RNF216: variants seen among roughly 807,000 people sequenced by gnomAD.
RNF216 encodes the protein ring finger protein 216.
Under a neutral mutation model 110.8 loss-of-function variants are expected in RNF216, and 72 were observed. The ratio of observed to expected loss-of-function variants is 0.65; its 90% CI spans 0.54 to 0.79. RNF216 has a LOEUF of 0.79. RNF216 is among the 30% of genes least tolerant of loss of function. The pLI is 0.00. For synonymous variants in RNF216, 495 were observed against 407.5 expected, an observed-to-expected ratio of 1.21 and a Z score of -2.59; for missense variants, 1,342 against 1,141.2, an observed-to-expected ratio of 1.18 and a Z score of -2.54.
At chr7:5,666,428 G>A (rs566929090) in intron 13 of RNF216, among the ~76,000 whole-genome samples, 3 of 152,324 alleles carry the variant, frequency 2.0e-5, no homozygotes, top group East Asian at 3.9e-4. Flanking sequence ...AGAGAGTCTG[G>A]TGCTATCTGG....
intron 15 of RNF216, among the ~76,000 whole-genome samples, chr7:5,633,219 C>T (rs1787184968): frequency 6.6e-6 from 1 of 151,934 alleles, no homozygotes; most frequent in Admixed American, 6.5e-5. Context: ...CCTTGTGATC[C>T]ACCCGCCTTG....
At chr7:5,695,293 T>C (rs1791556333) in intron 13 of RNF216, among the ~76,000 whole-genome samples, 1 of 152,126 alleles carries the variant, frequency 6.6e-6, no homozygotes, top group Non-Finnish European at 1.5e-5. Context: ...TGCAGCAACT[T>C]GTACCAAGGT....
intron 1 of RNF216, among the ~76,000 whole-genome samples, chr7:5,778,762 G>C (rs1379875592): frequency 6.6e-6 from 1 of 151,558 alleles, no homozygotes; most frequent in African/African-American, 2.4e-5. Context: ...TATTATTTTT[G>C]AGACGGAGTC....
At chr7:5,756,054 C>T (rs920170600) in intron 2 of RNF216, among the ~76,000 whole-genome samples, 1 of 152,070 alleles carries the variant, frequency 6.6e-6, no homozygotes, top group Non-Finnish European at 1.5e-5. Context: ...AAGTCACGAG[C>T]GGGACAGGTG....
chr7:5,780,079 G>C (rs1796997015), intron 1 of RNF216: 1 of 152,170 alleles, frequency 6.6e-6, no homozygotes, highest in Non-Finnish European at 1.5e-5. Flanking sequence ...GAATAGATGA[G>C]CTGATGTTTG....
intron 8 of RNF216, among the ~76,000 whole-genome samples, chr7:5,723,307 T>TA (rs1206961413): frequency 5.3e-5 from 8 of 152,208 alleles, no homozygotes; most frequent in African/African-American, 1.9e-4. Context: ...TTTTGTAGTT[T>TA]ATCATGTTAA....
At chr7:5,733,873 A>G (rs546544751) in intron 5 of RNF216, among the ~76,000 whole-genome samples, 115 of 152,344 alleles carry the variant, frequency 7.5e-4, no homozygotes, top group African/African-American at 2.6e-3. Context: ...TCACACATAT[A>G]AGTTGCTTTT....
rs1793380490 is a variant in RNF216 at position 5,720,944 on chromosome 7, A to ATCTTAAAAGACAGTTTTGT, written c.1644+70_1644+88dup. 3 of 1,291,374 alleles carry ATCTTAAAAGACAGTTTTGT rather than the reference A, an allele frequency of 2.3e-6. No homozygotes were observed. The South Asian group carries it at 4.7e-5, about 20-fold the overall frequency. 80.0% of individuals were successfully genotyped at this position (1,291,374 alleles called of 1,614,324 possible). ...ATTTAACAGTCTGAAGAAAAGGGAA[A>ATCTTAAAAGACAGTTTTGT]TCTTAAAAGACAGTTTTGTACTAAC... On this transcript the variant is annotated intron_variant, in intron 9 of 16. Coordinates refer to ENST00000389902, the MANE Select transcript of RNF216 (RefSeq NM_207111.4).
At chr7:5,740,548 G>A (rs1053482738) in intron 4 of RNF216, among the ~76,000 whole-genome samples, 74 of 152,294 alleles carry the variant, frequency 4.9e-4, no homozygotes, top group African/African-American at 1.4e-3. Context: ...AGATGTGACT[G>A]ATGCCACTGG....
intron 11 of RNF216, 130 bp from the exon 12 acceptor site, chr7:5,712,993 A>G: frequency 1.2e-6 from 1 of 837,444 alleles, no homozygotes; most frequent in Non-Finnish European, 1.8e-6. Context: ...CATCTCTGAG[A>G]AATCACACTT....
At chr7:5,631,705 TATTG>T (rs1787082499) in intron 15 of RNF216, among the ~76,000 whole-genome samples, 1 of 152,170 alleles carries the variant, frequency 6.6e-6, no homozygotes, top group Non-Finnish European at 1.5e-5. Flanking sequence ...TCCTTATACA[TATTG>T]ATTAAAACAA....
intron 13 of RNF216, among the ~76,000 whole-genome samples, chr7:5,705,745 C>T (rs537934280): frequency 6.6e-6 from 1 of 151,952 alleles, no homozygotes; most frequent in Non-Finnish European, 1.5e-5. Context: ...CCCGCCTCTA[C>T]AAAAATACAA....
intron 15 of RNF216, among the ~76,000 whole-genome samples, chr7:5,629,758 C>G (rs189067448): frequency 6.8e-4 from 92 of 135,780 alleles, no homozygotes; most frequent in African/African-American, 2.6e-3. Context: ...ATCTGGGAGG[C>G]AGAGGCTGCA....
At position 5,623,014 on chromosome 7, in the gene RNF216, A is replaced by T. The variant is rs1786478464; in HGVS notation, c.2618T>A (p.Phe873Tyr). 6.2e-7 allele frequency: 1 copy of T among 1,614,062 alleles called. No homozygotes were observed. The highest frequency in any genetic ancestry group is 2.2e-5 in the East Asian group (1 of 44,872). Residue 873 changes from phenylalanine to tyrosine, a missense_variant, in exon 17 of 17, where the codon TTC (phenylalanine) becomes TAC (tyrosine). Coordinates refer to ENST00000389902, the MANE Select transcript of RNF216 (RefSeq NM_207111.4). Reference protein sequence around the residue: ...PFPLPPVRPVFNNFPLNMGPI... With the variant: ...PFPLPPVRPVYNNFPLNMGPI... The stretch of plus-strand genomic sequence containing the variant: ...CCCCATGTTGAGTGGGAAGTTGTTG[A>T]ACACAGGCCGCACGGGAGGCAGGGG...
intron 13 of RNF216, among the ~76,000 whole-genome samples, chr7:5,659,080 C>T (rs1207959369): frequency 1.3e-5 from 2 of 152,118 alleles, no homozygotes; most frequent in Non-Finnish European, 2.9e-5. Context: ...ATGTAGGACA[C>T]TAGCGAGATT....
intron 13 of RNF216, among the ~76,000 whole-genome samples, chr7:5,687,207 C>T (rs1791038556): frequency 6.6e-6 from 1 of 151,898 alleles, no homozygotes; most frequent in Non-Finnish European, 1.5e-5. Context: ...GCCAGCCTGG[C>T]CAACATGGTG....
At chr7:5,745,698 G>C (rs1330586073) in intron 3 of RNF216, among the ~76,000 whole-genome samples, 1 of 152,002 alleles carries the variant, frequency 6.6e-6, no homozygotes, top group Admixed American at 6.6e-5. Context: ...TCAAGAGTTA[G>C]AGACCAGCCT....
intron 16 of RNF216, among the ~76,000 whole-genome samples, chr7:5,623,596 G>A (rs1033172573): frequency 6.6e-6 from 1 of 151,782 alleles, no homozygotes; most frequent in African/African-American, 2.4e-5. Context: ...ACTGCACTTA[G>A]CCTCTTTTTT....
At position 5,668,464 on chromosome 7, in the gene RNF216, C is replaced by A. The variant is rs55757850; in HGVS notation, c.2062-15954G>T. Among the ~76,000 whole-genome samples, 3 of 152,174 alleles carry A rather than the reference C, an allele frequency of 2.0e-5. No individual in the cohort carries two copies. The East Asian group carries it at 5.8e-4, about 29-fold the overall frequency. On this transcript the variant is annotated intron_variant, in intron 13 of 16. Transcript: ENST00000389902. ...GGTCTTGATTTCCTGACCTCGTGAT[C>A]TGCCCGCCTCGGCCTCCCAAAGTGC...
Sources: allele counts gnomAD v4.1 joint callset (sites outside exome capture counted in the v4.1 genomes callset), GRCh38; gene constraint gnomAD v4.1.1; transcripts MANE v1.5; gene names NCBI Gene and HGNC (gene_info 2026-07-23, HGNC 2026-07-21).